KAZN: variants seen among roughly 807,000 people sequenced by gnomAD.
The protein encoded by KAZN is kazrin.
In KAZN, 40 loss-of-function variants were observed where a neutral mutation model predicts 87.4. That is an observed-to-expected ratio of 0.46 (90% CI 0.36 to 0.60). The LOEUF is 0.60. KAZN is among the 20% of genes least tolerant of loss of function. The probability of loss-of-function intolerance (pLI) is 0.00; values close to 1 mark genes in which losing one functional copy is unlikely to be tolerated. For missense variants in KAZN, 898 were observed against 1,073.9 expected (o/e 0.84, Z 2.29); for synonymous variants, 466 against 458.3 (o/e 1.02, Z -0.22).
intron 1 of KAZN, among the ~76,000 whole-genome samples, chr1:14,883,318 A>G (rs71510966): frequency 0.21 from 7,267 of 35,234 alleles, 696 homozygotes; most frequent in East Asian, 0.42. Context: ...GAAAGAAAGA[A>G]AGAGAGAGAG....
intron 1 of KAZN, among the ~76,000 whole-genome samples, chr1:13,965,752 A>G (rs746284742): frequency 6.6e-6 from 1 of 152,090 alleles, no homozygotes; most frequent in African/African-American, 2.4e-5. Context: ...AATTATCTCT[A>G]TTTCCACGGG....
intron 1 of KAZN, among the ~76,000 whole-genome samples, chr1:14,149,121 T>TTTTTTTCA (rs1645418196): frequency 6.8e-6 from 1 of 147,010 alleles, no homozygotes; most frequent in Non-Finnish European, 1.5e-5. Flanking sequence ...TTTTTTTTTT[T>TTTTTTTCA]GACAGAGTCT....
chr1:13,997,141 AAAAC>A lies in KAZN; in HGVS notation c.91+103395_91+103398del, dbSNP rs150758263. On this transcript the variant is annotated intron_variant, in intron 1 of 16. Transcript: ENST00000636203. ...GAAGAGGGACTTGACCATTGAAAGA[AAAAC>A]AAACAAACAGCAAAAACAACACCAT... is the stretch of plus-strand genomic sequence containing the variant. Among the ~76,000 whole-genome samples, 1,232 of 151,414 alleles carry A rather than the reference AAAAC, an allele frequency of 8.1e-3. 78 individuals carry two copies. In the East Asian group the frequency reaches 0.14, roughly 17 times the overall value.
chr1:14,220,388 C>G (rs1451680618), intron 2 of KAZN, among the ~76,000 whole-genome samples: 5 of 152,160 alleles, frequency 3.3e-5, no homozygotes, highest in African/African-American at 1.2e-4. Flanking sequence ...GACTTAGAAT[C>G]TTTGAGTCAT....
At chr1:14,009,462 T>C (rs945428619) in intron 1 of KAZN, among the ~76,000 whole-genome samples, 4 of 152,228 alleles carry the variant, frequency 2.6e-5, no homozygotes, top group African/African-American at 9.6e-5. Flanking sequence ...TGTCTCCACA[T>C]CTTCATCAAC....
intron 2 of KAZN, among the ~76,000 whole-genome samples, chr1:14,549,181 A>T (rs971192103): frequency 6.6e-6 from 1 of 151,938 alleles, no homozygotes; most frequent in Non-Finnish European, 1.5e-5. Context: ...TCATATTATC[A>T]TGTTGTTTTA....
At position 14,697,019 on chromosome 1, in the gene KAZN, A is replaced by G. The variant is rs113843369; in HGVS notation, c.226+97796A>G. ...TATGAAAAAGAAAAGGGCCAGACAC[A>G]GTGGCACACGGCTGTAACCCCAGCA... On this transcript the variant is annotated intron_variant, in intron 1 of 14. Coordinates refer to ENST00000376030, the MANE Select transcript of KAZN (RefSeq NM_201628.3). Among the ~76,000 whole-genome samples the G allele has an allele frequency of 4.8e-3, 735 of 152,136 alleles. 4 individuals carry two copies. The highest frequency in any genetic ancestry group is 0.017 in the African/African-American group (685 of 41,488).
At chr1:14,275,555 T>G (rs1652285418) in intron 2 of KAZN, among the ~76,000 whole-genome samples, 1 of 152,116 alleles carries the variant, frequency 6.6e-6, no homozygotes, top group Non-Finnish European at 1.5e-5. Context: ...TCTTTGTGTA[T>G]TCTTTCGTTA....
chr1:14,139,523 C>G (rs918227323), intron 1 of KAZN, among the ~76,000 whole-genome samples: 1 of 152,222 alleles, frequency 6.6e-6, no homozygotes, highest in Admixed American at 6.5e-5. Context: ...TGTTGTTCTT[C>G]CTCCTGGAGC....
chr1:14,577,725 C>T (rs911520780), intron 2 of KAZN, among the ~76,000 whole-genome samples: 4 of 152,192 alleles, frequency 2.6e-5, no homozygotes, highest in African/African-American at 9.7e-5. Context: ...ATTGCATTCC[C>T]TTCCCAATCG....
At position 14,482,610 on chromosome 1, in the gene KAZN, A is replaced by G. The variant is rs555712904; in HGVS notation, c.250-116373A>G. On this transcript the variant is annotated intron_variant, in intron 2 of 16. Coordinates refer to the KAZN transcript ENST00000636203. Reference sequence around the variant, plus strand: ...TTGTTTCATGCTAAGCATTCAATCAATGCAGAATAATGGCATCATTAGAAA... The same window carrying G: ...TTGTTTCATGCTAAGCATTCAATCAGTGCAGAATAATGGCATCATTAGAAA... Among the ~76,000 whole-genome samples the G allele has an allele frequency of 2.0e-5, 3 of 152,112 alleles. No homozygotes were observed. The South Asian group carries it at 6.2e-4, about 32-fold the overall frequency.
intron 2 of KAZN, among the ~76,000 whole-genome samples, chr1:14,480,634 T>TTA: frequency 8.9e-6 from 1 of 112,476 alleles, no homozygotes; most frequent in Non-Finnish European, 1.8e-5. Context: ...TATGTATATA[T>TTA]TATGTATTAT....
intron 2 of KAZN, among the ~76,000 whole-genome samples, chr1:14,234,553 T>C (rs1172548142): frequency 1.3e-5 from 2 of 152,042 alleles, no homozygotes; most frequent in African/African-American, 2.4e-5. Context: ...TAAAGTATAA[T>C]AATAATAATA....
intron 1 of KAZN, among the ~76,000 whole-genome samples, chr1:14,105,261 A>G (rs777852476): frequency 1.3e-5 from 2 of 152,236 alleles, no homozygotes; most frequent in Non-Finnish European, 2.9e-5. Flanking sequence ...TTGAGTGTGT[A>G]TAACAAAAAG....
chr1:14,090,838 G>A (rs72862510), intron 1 of KAZN, among the ~76,000 whole-genome samples: 11,442 of 152,184 alleles, frequency 0.075, 1,103 homozygotes, highest in East Asian at 0.54. Flanking sequence ...GAACAGCCGG[G>A]TGCGGTGGCT....
chr1:14,869,296 C>A lies in KAZN; in HGVS notation c.227-91388C>A, dbSNP rs536782161. On this transcript the variant is annotated intron_variant, in intron 1 of 14. Transcript: ENST00000376030. ...TTTCTCACTTCTCAGGGTGAGCTCG[C>A]GACCTTTCATTGCCTTCCCTGTGTG... Among the ~76,000 whole-genome samples the A allele has an allele frequency of 2.2e-4, 33 of 152,242 alleles. 1 individual carries two copies. Among genetic ancestry groups the A allele is most frequent in the African/African-American group, 7.9e-4 (33 of 41,522 alleles).
rs968244506 is a variant in KAZN, at chr1:14,010,325, T to C, written c.91+116569T>C. ...CCTCTGTTGTGTTACAAATGATACA[T>C]CATCTTCTGGACTTTTAATTTTTCT... On this transcript the variant is annotated intron_variant, in intron 1 of 16. Coordinates refer to the KAZN transcript ENST00000636203. Among the ~76,000 whole-genome samples, 4 of 152,218 alleles carry C rather than the reference T, an allele frequency of 2.6e-5. No individual in the cohort carries two copies. The East Asian group carries it at 7.7e-4, about 29-fold the overall frequency.
At chr1:14,132,167 C>A (rs920844028) in intron 1 of KAZN, among the ~76,000 whole-genome samples, 1 of 152,154 alleles carries the variant, frequency 6.6e-6, no homozygotes, top group African/African-American at 2.4e-5. Flanking sequence ...CCTAGAAGGA[C>A]AAGATGTGAT....
At chr1:14,837,785 A>G (rs1647446410) in intron 1 of KAZN, among the ~76,000 whole-genome samples, 1 of 151,082 alleles carries the variant, frequency 6.6e-6, no homozygotes, top group African/African-American at 2.4e-5. Context: ...GAACTCCTGG[A>G]TTCGAGCAAT....
Sources: allele counts gnomAD v4.1 joint callset (sites outside exome capture counted in the v4.1 genomes callset), GRCh38; gene constraint gnomAD v4.1.1; transcripts MANE v1.5; gene names NCBI Gene and HGNC (gene_info 2026-07-23, HGNC 2026-07-21).